The following TNRC6A variants were observed in gnomAD, a reference collection of about 807,000 sequenced individuals.
TNRC6A encodes the protein trinucleotide repeat containing adaptor 6A.
A neutral mutation model predicts 221.2 loss-of-function variants in TNRC6A; 44 were observed. The observed-to-expected ratio is 0.20, with a 90% CI of 0.16 to 0.26. The LOEUF (loss-of-function observed/expected upper bound fraction) is 0.26. Among genes scored for constraint, TNRC6A ranks in the 10% least tolerant of loss-of-function variants. TNRC6A has a pLI of 1.00. For synonymous variants in TNRC6A, 847 were observed against 838.5 expected (o/e 1.01, Z -0.18); for missense variants, 2,199 against 2,404.4 (o/e 0.91, Z 1.79).
At chr16:24,624,774 G>A (rs1264943070) in intron 1 of TNRC6A, among the ~76,000 whole-genome samples, 1 of 152,186 alleles carries the variant, frequency 6.6e-6, no homozygotes, top group Non-Finnish European at 1.5e-5. Context: ...ATGAGCCACT[G>A]CACTCAGCAA....
At chr16:24,767,720 T>TA (rs1408596544) in intron 4 of TNRC6A, among the ~76,000 whole-genome samples, 1 of 152,216 alleles carries the variant, frequency 6.6e-6, no homozygotes, top group Non-Finnish European at 1.5e-5. Context: ...TTTCCTAATT[T>TA]AAAAAATCAA....
At chr16:24,712,907 CTGTGTGTGTGTG>C (rs61198955) in intron 2 of TNRC6A, among the ~76,000 whole-genome samples, 26,468 of 126,320 alleles carry the variant, frequency 0.21, 2,578 homozygotes, top group South Asian at 0.28. Flanking sequence ...TTATGTGCCA[CTGTGTGTGTGTG>C]TGTGTGTGTG....
At chr16:24,819,181 C>G (rs891231265) in intron 21 of TNRC6A, among the ~76,000 whole-genome samples, 1 of 152,194 alleles carries the variant, frequency 6.6e-6, no homozygotes, top group African/African-American at 2.4e-5. Flanking sequence ...TAGTATGAAA[C>G]TGTGTTGTGG....
At chr16:24,770,709 C>T (rs777836734) in intron 4 of TNRC6A, among the ~76,000 whole-genome samples, 4 of 152,196 alleles carry the variant, frequency 2.6e-5, no homozygotes, top group African/African-American at 9.7e-5. Context: ...TAGGTTTTGT[C>T]ATTTCTTCCT....
intron 5 of TNRC6A, among the ~76,000 whole-genome samples, chr16:24,783,267 T>G (rs963313663): frequency 2.6e-5 from 4 of 152,116 alleles, no homozygotes; most frequent in Admixed American, 2.6e-4. Context: ...TAGCTGAGAT[T>G]ATAAGCGTCC....
chr16:24,619,747 G>A (rs1900564652), intron 1 of TNRC6A, among the ~76,000 whole-genome samples: 1 of 152,158 alleles, frequency 6.6e-6, no homozygotes, highest in Admixed American at 6.6e-5. Flanking sequence ...AGACAGCCAC[G>A]GGTACAGGGA....
intron 5 of TNRC6A, among the ~76,000 whole-genome samples, chr16:24,783,859 G>A (rs2057907696): frequency 6.6e-6 from 1 of 152,142 alleles, no homozygotes; most frequent in African/African-American, 2.4e-5. Flanking sequence ...GTCTTTAAGT[G>A]AAATAAATTA....
intron 2 of TNRC6A, among the ~76,000 whole-genome samples, chr16:24,682,807 C>T (rs962083394): frequency 4.6e-5 from 7 of 152,152 alleles, no homozygotes; most frequent in African/African-American, 1.7e-4. Flanking sequence ...TCTTCTGGGG[C>T]TCCCTATTGG....
chr16:24,641,921 A>G (rs1181598414), intron 2 of TNRC6A, among the ~76,000 whole-genome samples: 1 of 152,254 alleles, frequency 6.6e-6, no homozygotes, highest in African/African-American at 2.4e-5. Flanking sequence ...TCTTTGGGAA[A>G]AACAATGGGA....
intron 2 of TNRC6A, among the ~76,000 whole-genome samples, chr16:24,644,196 C>T (rs1004771991): frequency 4.2e-5 from 6 of 141,926 alleles, no homozygotes; most frequent in Non-Finnish European, 9.0e-5. Context: ...ACGCCATTCT[C>T]CTCCCTCAAC....
intron 4 of TNRC6A, among the ~76,000 whole-genome samples, chr16:24,773,104 CTT>C (rs1211858316): frequency 6.6e-6 from 1 of 152,100 alleles, no homozygotes; most frequent in Non-Finnish European, 1.5e-5. Context: ...ATTGATCTCT[CTT>C]TTATATTTAC....
intron 2 of TNRC6A, among the ~76,000 whole-genome samples, chr16:24,711,779 T>G (rs1458300923): frequency 6.6e-6 from 1 of 152,144 alleles, no homozygotes; most frequent in Non-Finnish European, 1.5e-5. Context: ...TTGTTCTTCA[T>G]TTCTGTTTTC....
intron 5 of TNRC6A, among the ~76,000 whole-genome samples, chr16:24,784,802 G>A (rs1567469383): frequency 6.6e-6 from 1 of 152,184 alleles, no homozygotes; most frequent in Non-Finnish European, 1.5e-5. Context: ...GTCATGACCA[G>A]AATCTGAGAA....
At chr16:24,698,836 A>G (rs1201841786) in intron 2 of TNRC6A, among the ~76,000 whole-genome samples, 1 of 152,018 alleles carries the variant, frequency 6.6e-6, no homozygotes, top group Non-Finnish European at 1.5e-5. Flanking sequence ...TCAGCCTCCC[A>G]AGTAGCTGGG....
chr16:24,714,372 A>C (rs1242381349), intron 2 of TNRC6A, among the ~76,000 whole-genome samples: 5 of 128,166 alleles, frequency 3.9e-5, no homozygotes, highest in African/African-American at 1.5e-4. Context: ...GCAGTGGCGC[A>C]GTCTTGACTC....
chr16:24,640,451 G>A (rs976115041), intron 1 of TNRC6A, among the ~76,000 whole-genome samples: 8 of 151,858 alleles, frequency 5.3e-5, no homozygotes, highest in Non-Finnish European at 1.0e-4. Flanking sequence ...CATGAGGCTG[G>A]TCACAGTGGC....
chr16:24,657,335 A>AC (rs1295363274), intron 2 of TNRC6A, among the ~76,000 whole-genome samples: 3 of 147,910 alleles, frequency 2.0e-5, no homozygotes, highest in East Asian at 2.0e-4. Context: ...AAAAAAAAAA[A>AC]AAAAAAACAA....
chr16:24,713,452 AAAAATAT>A (rs1567380164), intron 2 of TNRC6A, among the ~76,000 whole-genome samples: 12 of 135,818 alleles, frequency 8.8e-5, no homozygotes, highest in African/African-American at 2.6e-4. Flanking sequence ...AAACAAACAA[AAAAATAT>A]ATATATATAT....
intron 2 of TNRC6A, among the ~76,000 whole-genome samples, chr16:24,670,139 G>A (rs12919283): frequency 0.24 from 35,854 of 150,798 alleles, 4,610 homozygotes; most frequent in Non-Finnish European, 0.3. Context: ...AAGAAGGGAC[G>A]GGGTTTCACC....
Sources: allele counts gnomAD v4.1 joint callset (sites outside exome capture counted in the v4.1 genomes callset), GRCh38; gene constraint gnomAD v4.1.1; transcripts MANE v1.5; gene names NCBI Gene and HGNC (gene_info 2026-07-23, HGNC 2026-07-21).